Variants in NNT observed in about 807,000 individuals in gnomAD.
NNT encodes NAD(P) transhydrogenase, mitochondrial.
A neutral mutation model predicts 104.8 loss-of-function variants in NNT; 50 were observed. The observed-to-expected ratio is 0.48, with a 90% CI of 0.38 to 0.60. The LOEUF is 0.60. NNT is among the 20% of genes least tolerant of loss of function. The pLI is 0.00. For synonymous variants in NNT, 461 were observed against 490.4 expected, an observed-to-expected ratio of 0.94 and a Z score of 0.79; for missense variants, 1,131 against 1,330.7, an observed-to-expected ratio of 0.85 and a Z score of 2.33.
intron 5 of NNT, among the ~76,000 whole-genome samples, chr5:43,619,349 A>C (rs1180319564): frequency 1.1e-4 from 16 of 152,118 alleles, no homozygotes; most frequent in Admixed American, 1.0e-3. Flanking sequence ...TGACTTTACT[A>C]ATTTGAATTT....
chr5:43,670,072 G>C (rs1022048354), intron 17 of NNT, among the ~76,000 whole-genome samples: 3 of 152,134 alleles, frequency 2.0e-5, no homozygotes, highest in Non-Finnish European at 4.4e-5. Flanking sequence ...TTTGCATAGA[G>C]GTGTTTATAG....
chr5:43,657,021 AT>A (rs1395817266), intron 16 of NNT, among the ~76,000 whole-genome samples: 1 of 152,226 alleles, frequency 6.6e-6, no homozygotes, highest in African/African-American at 2.4e-5. Context: ...TTAATTGTTC[AT>A]TTTAAAGTTG....
rs1014908013 is a variant in NNT at position 43,706,588 on chromosome 5, T to C, written c.*2184T>C. On this transcript the variant is annotated 3_prime_UTR_variant, in exon 22 of 22. Transcript: ENST00000344920. ...GGAGTTTGTGTTTAAATTACTCATCTAAGCAAAAAATGTATATAAATCCCA... is the reference window on the plus strand; with the variant it reads ...GGAGTTTGTGTTTAAATTACTCATCCAAGCAAAAAATGTATATAAATCCCA... The C allele has an allele frequency of 1.3e-5, 2 of 152,214 alleles. No homozygotes were observed. The highest frequency in any genetic ancestry group is 1.3e-4 in the Admixed American group (2 of 15,282). The allele number at this position is 152,214 out of a possible 1,614,324, so 9.4% of individuals were successfully genotyped here.
chr5:43,650,172 G>A (rs1322672035), intron 11 of NNT, among the ~76,000 whole-genome samples: 2 of 152,200 alleles, frequency 1.3e-5, no homozygotes, highest in South Asian at 4.1e-4. Flanking sequence ...ATTTATATCT[G>A]TATTAGAGGA....
chr5:43,661,811 T>C (rs987049325), intron 17 of NNT, among the ~76,000 whole-genome samples: 9 of 152,226 alleles, frequency 5.9e-5, no homozygotes, highest in Middle Eastern at 3.4e-3. Flanking sequence ...AGTCTATCAT[T>C]GGTGGACATT....
chr5:43,609,139 T>G lies in NNT; in HGVS notation c.-53-4T>G, dbSNP rs924764218. On this transcript the variant is annotated splice_region_variant and splice_polypyrimidine_tract_variant and intron_variant, in intron 1 of 21. Transcript: ENST00000344920. Reference sequence around the variant, plus strand: ...TATATACATCCTATTTTCTTTTTTCTTAGTGATTTGCCTTCAAGGAAACTG... The same window carrying G: ...TATATACATCCTATTTTCTTTTTTCGTAGTGATTTGCCTTCAAGGAAACTG... 13 of 1,455,722 alleles carry G rather than the reference T, an allele frequency of 8.9e-6. No individual in the cohort carries two copies. The highest frequency in any genetic ancestry group is 1.2e-5 in the Non-Finnish European group (13 of 1,059,994). 90.2% of individuals were successfully genotyped at this position (1,455,722 alleles called of 1,614,324 possible).
At chr5:43,685,321 T>A (rs1741926602) in intron 19 of NNT, among the ~76,000 whole-genome samples, 1 of 152,158 alleles carries the variant, frequency 6.6e-6, no homozygotes, top group Admixed American at 6.5e-5. Flanking sequence ...GAAGGCAGAA[T>A]TCCAAAATGC....
In NNT at chr5:43,702,752, T is replaced by C; in HGVS notation, c.3111+16T>C. On this transcript the variant is annotated intron_variant, in intron 21 of 21. Transcript: ENST00000344920. ...ATCAAAGCAGGTAAAGTTTCAGACTTGTATTTCATTCTGATAATCAAAGGT... is the reference window on the plus strand; with the variant it reads ...ATCAAAGCAGGTAAAGTTTCAGACTCGTATTTCATTCTGATAATCAAAGGT... 2 of 1,531,254 alleles carry C rather than the reference T, an allele frequency of 1.3e-6. No homozygotes were observed. The highest frequency in any genetic ancestry group is 1.8e-6 in the Non-Finnish European group (2 of 1,111,950). The allele number at this position is 1,531,254 out of a possible 1,614,324, so 94.9% of individuals were successfully genotyped here. A position where few individuals can be genotyped will look rare whatever the true frequency, so the allele number is the denominator to read the frequency against.
At chr5:43,624,002 C>G in intron 5 of NNT, 30 bp from the exon 6 acceptor site, 1 of 1,600,936 alleles carries the variant, frequency 6.2e-7, no homozygotes, top group Non-Finnish European at 8.6e-7. Context: ...TGATAATGAG[C>G]CTTAACACAT....
intron 19 of NNT, among the ~76,000 whole-genome samples, chr5:43,683,749 A>T (rs1316014587): frequency 6.6e-6 from 1 of 152,250 alleles, no homozygotes; most frequent in Non-Finnish European, 1.5e-5. Context: ...TATAATTTTA[A>T]CTAAATCTCT....
At chr5:43,663,113 A>C (rs1227904435) in intron 17 of NNT, among the ~76,000 whole-genome samples, 3 of 152,006 alleles carry the variant, frequency 2.0e-5, no homozygotes, top group Non-Finnish European at 4.4e-5. Context: ...TTAATGTTTA[A>C]TTTTCTAATA....
intron 17 of NNT, among the ~76,000 whole-genome samples, chr5:43,673,785 G>A (rs946384194): frequency 2.6e-5 from 4 of 152,100 alleles, no homozygotes; most frequent in Admixed American, 6.5e-5. Context: ...TTGGGAGGCC[G>A]AGGCAGGCAG....
In NNT at chr5:43,640,802, A is replaced by G. The variant is rs537920461; in HGVS notation, c.965-3390A>G. On this transcript the variant is annotated intron_variant, in intron 7 of 21. Transcript: ENST00000344920. ...TTTGTCTGAGAATTGTAATATATAC[A>G]TTTTTCATATATATCATATATACAC... Among the ~76,000 whole-genome samples the G allele has an allele frequency of 9.3e-5, 14 of 150,664 alleles. No individual in the cohort carries two copies. The South Asian group carries it at 2.7e-3, about 29-fold the overall frequency.
At chr5:43,616,897 G>C (rs973989792) in intron 4 of NNT, among the ~76,000 whole-genome samples, 1 of 152,056 alleles carries the variant, frequency 6.6e-6, no homozygotes. Context: ...AAAACTATTA[G>C]TAGTTGAGAA....
intron 7 of NNT, among the ~76,000 whole-genome samples, chr5:43,631,094 C>T (rs1198756313): frequency 1.3e-5 from 2 of 152,110 alleles, no homozygotes; most frequent in Non-Finnish European, 1.5e-5. Flanking sequence ...TCTGTTAACC[C>T]AGGTGATAGG....
rs75478481 is a variant in NNT at position 43,690,438 on chromosome 5, G to A, written c.2877-9681G>A. On this transcript the variant is annotated intron_variant, in intron 19 of 21. Coordinates refer to ENST00000344920, the MANE Select transcript of NNT (RefSeq NM_182977.3). ...CAGTCAGGTTTTGGGAAGAGCAGTG[G>A]GCCTGGTGGGCCTGGGGGAATTAGG... 3.6e-3 allele frequency among the ~76,000 whole-genome samples: 551 copies of A among 152,222 alleles called. 2 individuals carry two copies. Among genetic ancestry groups the A allele is most frequent in the African/African-American group, 0.013 (534 of 41,532 alleles).
At chr5:43,607,947 T>C (rs567781847) in intron 1 of NNT, among the ~76,000 whole-genome samples, 28 of 151,756 alleles carry the variant, frequency 1.8e-4, no homozygotes, top group African/African-American at 6.5e-4. Flanking sequence ...CTTTTTTTTT[T>C]TGAGACGGTG....
chr5:43,623,953 G>T (rs1750229019), intron 5 of NNT, 79 bp from the exon 6 acceptor site: 1 of 1,292,116 alleles, frequency 7.7e-7, no homozygotes, highest in Admixed American at 1.7e-5. Flanking sequence ...CTTATACTAG[G>T]CACCAATAAT....
intron 5 of NNT, among the ~76,000 whole-genome samples, chr5:43,623,665 C>A (rs947623929): frequency 3.9e-5 from 6 of 152,192 alleles, no homozygotes; most frequent in African/African-American, 1.2e-4. Context: ...TAGAATGCCA[C>A]ACTGGGACTT....
Sources: gnomAD v4.1 joint callset for allele counts (sites outside exome capture counted in the v4.1 genomes callset) on GRCh38, gnomAD v4.1.1 for gene constraint, MANE v1.5 for transcripts, NCBI Gene and HGNC (gene_info 2026-07-23, HGNC 2026-07-21) for gene names.